The following SNX29 variants were observed in gnomAD, a reference collection of about 807,000 sequenced individuals.
The protein encoded by SNX29 is sorting nexin 29.
A neutral mutation model predicts 102.1 loss-of-function variants in SNX29; 78 were observed. That is an observed-to-expected ratio of 0.76 (90% CI 0.64 to 0.92). The LOEUF (loss-of-function observed/expected upper bound fraction) is 0.92, where lower values mean the gene tolerates loss of function less well. Ranked by LOEUF, SNX29 falls within the 40% of genes least tolerant of loss-of-function variation. The pLI, the probability that SNX29 is intolerant of heterozygous loss-of-function variation, is 0.00. For synonymous variants in SNX29, 580 were observed against 414.5 expected, an observed-to-expected ratio of 1.40 and a Z score of -4.85; for missense variants, 1,280 against 1,061.7, an observed-to-expected ratio of 1.21 and a Z score of -2.86.
chr16:12,166,367 G>C (rs796761205), intron 13 of SNX29, among the ~76,000 whole-genome samples: 1 of 152,170 alleles, frequency 6.6e-6, no homozygotes, highest in Non-Finnish European at 1.5e-5. Flanking sequence ...TGGTTTGGGA[G>C]CACAGAGGAA....
intron 18 of SNX29, among the ~76,000 whole-genome samples, chr16:12,474,760 G>T (rs1310819347): frequency 6.6e-6 from 1 of 152,142 alleles, no homozygotes. Flanking sequence ...TTTTTAAAGT[G>T]CATTGATCTC....
At chr16:12,528,476 A>T (rs1274977281) in intron 20 of SNX29, among the ~76,000 whole-genome samples, 1 of 152,192 alleles carries the variant, frequency 6.6e-6, no homozygotes, top group African/African-American at 2.4e-5. Context: ...CTGCAATTAC[A>T]GGTGTGAGCC....
chr16:12,506,049 C>T (rs906563285), intron 19 of SNX29, among the ~76,000 whole-genome samples: 1 of 152,130 alleles, frequency 6.6e-6, no homozygotes, highest in Non-Finnish European at 1.5e-5. Context: ...CAACCTCCGC[C>T]TCCCAGGCTC....
intron 14 of SNX29, among the ~76,000 whole-genome samples, chr16:12,272,532 C>T (rs75649503): frequency 0.029 from 4,384 of 152,360 alleles, 192 homozygotes; most frequent in African/African-American, 0.1. Flanking sequence ...GGCTCCACTG[C>T]TCTCTTACCT....
At chr16:12,062,338 C>T (rs944235394) in intron 9 of SNX29, among the ~76,000 whole-genome samples, 1 of 151,392 alleles carries the variant, frequency 6.6e-6, no homozygotes, top group African/African-American at 2.4e-5. Context: ...GATATCGTGG[C>T]ACTGTACACC....
chr16:12,544,929 C>T (rs749819347), intron 20 of SNX29, among the ~76,000 whole-genome samples: 2 of 152,182 alleles, frequency 1.3e-5, no homozygotes, highest in African/African-American at 2.4e-5. Flanking sequence ...TTATCATCAT[C>T]CCTTGTTCAC....
Position 12,518,298 on chromosome 16 carries a change from C to T in SNX29, c.2179-6404C>T, listed in dbSNP as rs545012223. On this transcript the variant is annotated intron_variant, in intron 19 of 20. Transcript: ENST00000566228. Reference sequence around the variant, plus strand: ...GTTCACTGGTCTACGTGGCTCTGCACGGTTTTACTGCTGCTCACACTGCAG... The same window carrying T: ...GTTCACTGGTCTACGTGGCTCTGCATGGTTTTACTGCTGCTCACACTGCAG... Among the ~76,000 whole-genome samples, 11 of 152,296 alleles carry T rather than the reference C, an allele frequency of 7.2e-5. No individual in the cohort carries two copies. In the South Asian group the frequency reaches 8.3e-4, roughly 11 times the overall value.
rs781438983 is a variant in SNX29, at chr16:12,326,118, C to T, written c.1783-30045C>T. ...TTGGCTCACTGCAACCTCTGCCTCC[C>T]GGGTTCAAGCGATTCTCGTGCCTGG... On this transcript the variant is annotated intron_variant, in intron 15 of 20. Transcript: ENST00000566228. Among the ~76,000 whole-genome samples the T allele has an allele frequency of 5.3e-4, 80 of 151,910 alleles. 1 individual carries two copies. Among genetic ancestry groups the T allele is most frequent in the Non-Finnish European group, 7.9e-4 (54 of 67,928 alleles).
intron 11 of SNX29, among the ~76,000 whole-genome samples, chr16:12,118,336 T>TTTTTTTTTTTA (rs1555464077): frequency 5.5e-5 from 8 of 145,358 alleles, no homozygotes; most frequent in African/African-American, 1.3e-4. Flanking sequence ...TTTTTTTTTT[T>TTTTTTTTTTTA]ATGAGATGGA....
chr16:12,485,904 A>AGAGG (rs937661259), intron 19 of SNX29, among the ~76,000 whole-genome samples: 2 of 152,170 alleles, frequency 1.3e-5, no homozygotes, highest in Non-Finnish European at 2.9e-5. Context: ...GAAATCTAGG[A>AGAGG]GAGGGAGTAG....
At chr16:12,557,141 C>G (rs3135019) in intron 20 of SNX29, among the ~76,000 whole-genome samples, 2 of 151,778 alleles carry the variant, frequency 1.3e-5, no homozygotes, top group African/African-American at 4.8e-5. Flanking sequence ...GAGTCACTGC[C>G]CCTGGTCACA....
chr16:12,373,591 A>T (rs572530772), intron 16 of SNX29: 2 of 152,356 alleles, frequency 1.3e-5, no homozygotes, highest in Non-Finnish European at 2.9e-5. Context: ...ATTTTTCCTC[A>T]TAATACTAAT....
At chr16:12,433,789 A>C (rs1349242550) in intron 18 of SNX29, among the ~76,000 whole-genome samples, 1 of 152,132 alleles carries the variant, frequency 6.6e-6, no homozygotes, top group East Asian at 1.9e-4. Flanking sequence ...GTGCCACTGC[A>C]CTCCAGCCCA....
intron 14 of SNX29, among the ~76,000 whole-genome samples, chr16:12,257,696 T>A (rs1384256717): frequency 2.0e-5 from 3 of 151,872 alleles, no homozygotes; most frequent in African/African-American, 7.3e-5. Flanking sequence ...TAAAATTTTT[T>A]TTTTTTTTTT....
Position 12,524,765 on chromosome 16 carries a change from A to G in SNX29, c.2242A>G (p.Lys748Glu). Residue 748 changes from lysine to glutamate, a missense_variant, in exon 20 of 21, where the codon AAA becomes GAA. Transcript: ENST00000566228. Reference sequence around the variant, plus strand: ...GAATTACCTGCGCAGCGTCATGAACAAAGTCATCCAGATGGTCCCCGAGTT... The same window carrying G: ...GAATTACCTGCGCAGCGTCATGAACGAAGTCATCCAGATGGTCCCCGAGTT... ...LQNYLRSVMN[K>E]VIQMVPEFAA... The G allele has an allele frequency of 2.5e-6, 4 of 1,613,790 alleles. No homozygotes were observed. The highest frequency in any genetic ancestry group is 1.1e-5 in the South Asian group (1 of 91,072).
intron 18 of SNX29, among the ~76,000 whole-genome samples, chr16:12,459,015 CTTTCT>C (rs2086656475): frequency 6.6e-6 from 1 of 151,530 alleles, no homozygotes; most frequent in Non-Finnish European, 1.5e-5. Flanking sequence ...TTCCTCCTCC[CTTTCT>C]CCCTTCCTCC....
intron 19 of SNX29, among the ~76,000 whole-genome samples, chr16:12,495,524 T>G (rs1464469901): frequency 6.6e-6 from 1 of 152,258 alleles, no homozygotes; most frequent in Non-Finnish European, 1.5e-5. Flanking sequence ...TTACATGCTT[T>G]CTTTCTTTGC....
chr16:12,403,711 A>AG (rs1421222272), intron 18 of SNX29, among the ~76,000 whole-genome samples, 182 bp downstream of exon 18: 1 of 152,162 alleles, frequency 6.6e-6, no homozygotes, highest in East Asian at 1.9e-4. Context: ...TCAGTTGGGC[A>AG]GGGGGATACG....
chr16:12,466,424 T>C (rs2087054146), intron 18 of SNX29, among the ~76,000 whole-genome samples: 1 of 152,212 alleles, frequency 6.6e-6, no homozygotes, highest in Non-Finnish European at 1.5e-5. Flanking sequence ...AGGCTAGAAC[T>C]TTTAATAAAA....
Sources: gnomAD v4.1 joint callset for allele counts (sites outside exome capture counted in the v4.1 genomes callset) on GRCh38, gnomAD v4.1.1 for gene constraint, MANE v1.5 for transcripts, NCBI Gene and HGNC (gene_info 2026-07-23, HGNC 2026-07-21) for gene names.